The following ADGB variants were observed in gnomAD, a reference collection of about 807,000 sequenced individuals.
ADGB encodes the protein androglobin, also known as calpain-7-like protein.
ADGB carries 172 observed loss-of-function variants against 210.5 expected under a neutral mutation model. The ratio of observed to expected loss-of-function variants is 0.82; its 90% CI spans 0.72 to 0.93. The LOEUF is 0.93. Among genes scored for constraint, ADGB ranks in the 40% least tolerant of loss-of-function variants. The pLI, the probability that ADGB is intolerant of heterozygous loss-of-function variation, is 0.00. For synonymous variants in ADGB, 658 were observed against 662.7 expected (o/e 0.99, Z 0.11); for missense variants, 2,025 against 1,964.8 (o/e 1.03, Z -0.58).
chr6:146,601,154 G>T (rs1373219219), intron 1 of ADGB, among the ~76,000 whole-genome samples: 4 of 152,064 alleles, frequency 2.6e-5, no homozygotes, highest in Non-Finnish European at 5.9e-5. Flanking sequence ...TTTGATGGTT[G>T]TATTACACAA....
intron 5 of ADGB, among the ~76,000 whole-genome samples, chr6:146,661,134 C>G (rs1411027121): frequency 2.0e-5 from 3 of 151,748 alleles, no homozygotes; most frequent in South Asian, 2.1e-4. Context: ...AATATAAATA[C>G]TTTACCACCA....
intron 25 of ADGB, among the ~76,000 whole-genome samples, 193 bp from the exon 26 acceptor site, chr6:146,745,729 T>A (rs920144683): frequency 1.3e-5 from 2 of 152,206 alleles, no homozygotes; most frequent in African/African-American, 4.8e-5. Context: ...TTTATTATTT[T>A]CCTGAAAACT....
intron 22 of ADGB, among the ~76,000 whole-genome samples, chr6:146,734,754 A>G (rs902498336): frequency 8.6e-5 from 13 of 152,040 alleles, no homozygotes; most frequent in Admixed American, 5.2e-4. Flanking sequence ...TACAAAAAAT[A>G]TAAAAATTAG....
intron 35 of ADGB, among the ~76,000 whole-genome samples, chr6:146,808,799 C>T (rs1207173941): frequency 1.3e-5 from 2 of 152,082 alleles, no homozygotes; most frequent in African/African-American, 4.8e-5. Context: ...CTCAAGCCAT[C>T]CTCCTAATTT....
intron 35 of ADGB, 68 bp downstream of exon 35, chr6:146,802,079 ATAAT>A: frequency 3.8e-6 from 4 of 1,039,448 alleles, no homozygotes; most frequent in Non-Finnish European, 5.2e-6. Flanking sequence ...AAGAAATTAT[ATAAT>A]TAAATAATAT....
chr6:146,708,885 C>T (rs1403153405), intron 13 of ADGB, among the ~76,000 whole-genome samples: 1 of 152,048 alleles, frequency 6.6e-6, no homozygotes, highest in Non-Finnish European at 1.5e-5. Context: ...CTGTGTAGTC[C>T]TTTTTCATTC....
At chr6:146,806,622 C>T (rs994827256) in intron 35 of ADGB, among the ~76,000 whole-genome samples, 14 of 152,172 alleles carry the variant, frequency 9.2e-5, no homozygotes, top group Non-Finnish European at 1.5e-4. Context: ...AATTCAAGGA[C>T]GAAGACAAAG....
chr6:146,618,223 G>A (rs1205753535), intron 1 of ADGB, among the ~76,000 whole-genome samples: 1 of 150,308 alleles, frequency 6.7e-6, no homozygotes, highest in Non-Finnish European at 1.5e-5. Context: ...TAGTTATAAT[G>A]TTTCCTTTGT....
intron 33 of ADGB, among the ~76,000 whole-genome samples, chr6:146,795,388 AT>A (rs934123405): frequency 2.6e-5 from 4 of 152,174 alleles, no homozygotes; most frequent in African/African-American, 9.7e-5. Context: ...AAGGGAGAAA[AT>A]TTTTGCAAAC....
intron 10 of ADGB, among the ~76,000 whole-genome samples, chr6:146,686,440 C>G (rs367624297): frequency 1.3e-5 from 2 of 151,904 alleles, no homozygotes; most frequent in African/African-American, 4.8e-5. Flanking sequence ...GATTTTTCTT[C>G]TATATTCTGT....
chr6:146,726,446 A>C (rs1008706605), intron 19 of ADGB, among the ~76,000 whole-genome samples: 1 of 152,096 alleles, frequency 6.6e-6, no homozygotes, highest in African/African-American at 2.4e-5. Context: ...GCTAGTCTCA[A>C]ACTCCTGACC....
At chr6:146,736,231 T>C (rs1777076411) in intron 22 of ADGB, among the ~76,000 whole-genome samples, 2 of 152,190 alleles carry the variant, frequency 1.3e-5, no homozygotes, top group African/African-American at 2.4e-5. Context: ...GTAAACACTT[T>C]GATGACTATC....
intron 30 of ADGB, among the ~76,000 whole-genome samples, chr6:146,782,809 GA>G (rs1389986302): frequency 6.6e-6 from 1 of 152,100 alleles, no homozygotes; most frequent in East Asian, 1.9e-4. Context: ...TAGGGGTAAG[GA>G]AAAGGATGTG....
intron 24 of ADGB, 60 bp downstream of exon 24, chr6:146,740,653 G>T: frequency 6.7e-7 from 1 of 1,488,648 alleles, no homozygotes; most frequent in African/African-American, 1.4e-5. Context: ...CTGTATTTAT[G>T]AATATTTCTG....
intron 22 of ADGB, among the ~76,000 whole-genome samples, chr6:146,736,063 G>T (rs940733670): frequency 2.0e-5 from 3 of 152,052 alleles, no homozygotes; most frequent in African/African-American, 7.2e-5. Context: ...CATTTTCTTG[G>T]CAAATTATCT....
At chr6:146,699,624 A>AG (rs1776460168) in intron 12 of ADGB, among the ~76,000 whole-genome samples, 1 of 152,162 alleles carries the variant, frequency 6.6e-6, no homozygotes, top group Middle Eastern at 3.2e-3. Flanking sequence ...CTGGTCATCT[A>AG]GGCAGCCCTC....
chr6:146,671,122 G>C (rs563105872), intron 7 of ADGB, among the ~76,000 whole-genome samples: 4 of 152,304 alleles, frequency 2.6e-5, no homozygotes, highest in South Asian at 2.1e-4. Context: ...GATCTAGATA[G>C]ATAGGCCTTT....
At chr6:146,607,396 G>T (rs994550045) in intron 1 of ADGB, among the ~76,000 whole-genome samples, 1 of 152,000 alleles carries the variant, frequency 6.6e-6, no homozygotes, top group Non-Finnish European at 1.5e-5. Context: ...TATTTTTCTT[G>T]CCTGATTGCT....
chr6:146,673,926 G>A (rs991108862), intron 8 of ADGB, among the ~76,000 whole-genome samples: 1 of 152,080 alleles, frequency 6.6e-6, no homozygotes, highest in African/African-American at 2.4e-5. Context: ...GATGAAGGAG[G>A]CTGAGACTGA....
Sources: gnomAD v4.1 joint callset for allele counts (sites outside exome capture counted in the v4.1 genomes callset) on GRCh38, gnomAD v4.1.1 for gene constraint, MANE v1.5 for transcripts, NCBI Gene and HGNC (gene_info 2026-07-23, HGNC 2026-07-21) for gene names.